PCSK2: variants seen among roughly 807,000 people sequenced by gnomAD.
PCSK2 encodes neuroendocrine convertase 2.
A neutral mutation model predicts 69.7 loss-of-function variants in PCSK2; 14 were observed. The ratio of observed to expected loss-of-function variants is 0.20; its 90% CI spans 0.13 to 0.31. PCSK2 has a LOEUF of 0.31. Among genes scored for constraint, PCSK2 ranks in the 10% least tolerant of loss-of-function variants. The pLI is 1.00. For synonymous variants in PCSK2, 307 were observed against 320.7 expected, an observed-to-expected ratio of 0.96 and a Z score of 0.46; for missense variants, 544 against 842.5, an observed-to-expected ratio of 0.65 and a Z score of 4.39.
At chr20:17,472,009 T>C (rs1317157954) in intron 11 of PCSK2, among the ~76,000 whole-genome samples, 1 of 152,232 alleles carries the variant, frequency 6.6e-6, no homozygotes, top group East Asian at 1.9e-4. Context: ...AGCAATTTTC[T>C]AAAGAGGCTT....
intron 2 of PCSK2, among the ~76,000 whole-genome samples, chr20:17,278,198 G>A (rs1335022726): frequency 3.3e-5 from 5 of 152,210 alleles, no homozygotes; most frequent in Admixed American, 3.3e-4. Flanking sequence ...AGTACCATTT[G>A]ACCCAGCCAT....
chr20:17,481,210 G>C (rs765127015), intron 11 of PCSK2, among the ~76,000 whole-genome samples: 2 of 151,598 alleles, frequency 1.3e-5, no homozygotes, highest in African/African-American at 4.9e-5. Context: ...GTGAAACTCC[G>C]TCTCTACTAA....
intron 1 of PCSK2, among the ~76,000 whole-genome samples, chr20:17,239,595 G>A (rs1489744652): frequency 1.3e-5 from 2 of 152,082 alleles, no homozygotes; most frequent in African/African-American, 4.8e-5. Flanking sequence ...CCAAAGAAGA[G>A]TTATGGGAGT....
At chr20:17,350,666 A>G (rs1355044587) in intron 2 of PCSK2, among the ~76,000 whole-genome samples, 4 of 152,112 alleles carry the variant, frequency 2.6e-5, no homozygotes, top group African/African-American at 4.8e-5. Flanking sequence ...CAACCTGATG[A>G]CTCTGCCATG....
intron 2 of PCSK2, among the ~76,000 whole-genome samples, chr20:17,355,868 C>A (rs934096472): frequency 6.6e-6 from 1 of 152,274 alleles, no homozygotes; most frequent in African/African-American, 2.4e-5. Context: ...AATTTAATCC[C>A]CAACAGTTTT....
chr20:17,356,993 T>C (rs1283999365), intron 2 of PCSK2, among the ~76,000 whole-genome samples: 2 of 151,966 alleles, frequency 1.3e-5, no homozygotes, highest in African/African-American at 4.8e-5. Flanking sequence ...CCAAATACAC[T>C]GGGGAGATTT....
At chr20:17,259,088 C>T (rs1435731655) in intron 1 of PCSK2, among the ~76,000 whole-genome samples, 1 of 152,002 alleles carries the variant, frequency 6.6e-6, no homozygotes, top group East Asian at 1.9e-4. Flanking sequence ...CAGATTGGCC[C>T]CATCTATGTT....
intron 5 of PCSK2, among the ~76,000 whole-genome samples, chr20:17,404,300 T>C (rs1177994757): frequency 1.3e-5 from 2 of 152,204 alleles, no homozygotes; most frequent in Non-Finnish European, 2.9e-5. Context: ...TCAGTGGATG[T>C]CCATATTAAA....
At chr20:17,454,824 C>G (rs1449220286) in intron 9 of PCSK2, among the ~76,000 whole-genome samples, 1 of 152,174 alleles carries the variant, frequency 6.6e-6, no homozygotes, top group Non-Finnish European at 1.5e-5. Context: ...TAGTACCATC[C>G]AGTGTTTCGA....
At chr20:17,420,332 C>T (rs2032093820) in intron 6 of PCSK2, among the ~76,000 whole-genome samples, 1 of 152,134 alleles carries the variant, frequency 6.6e-6, no homozygotes, top group Non-Finnish European at 1.5e-5. Flanking sequence ...GAAACACCTC[C>T]TGGATAATAA....
intron 5 of PCSK2, among the ~76,000 whole-genome samples, chr20:17,398,971 G>A (rs1451864226): frequency 6.6e-6 from 1 of 152,138 alleles, no homozygotes; most frequent in African/African-American, 2.4e-5. Context: ...CCCCAGCTAA[G>A]GGCATCTTCC....
chr20:17,430,100 C>A (rs1305455087), intron 7 of PCSK2, among the ~76,000 whole-genome samples: 1 of 152,092 alleles, frequency 6.6e-6, no homozygotes, highest in African/African-American at 2.4e-5. Context: ...TGCCTAGAAC[C>A]TTTTTCTTAC....
At chr20:17,373,761 A>G (rs1211450797) in intron 5 of PCSK2, among the ~76,000 whole-genome samples, 2 of 152,254 alleles carry the variant, frequency 1.3e-5, no homozygotes, top group Non-Finnish European at 2.9e-5. Flanking sequence ...CTGGTAGTCC[A>G]GTTTATTCCC....
At chr20:17,474,366 G>A (rs2033255457) in intron 11 of PCSK2, among the ~76,000 whole-genome samples, 1 of 152,086 alleles carries the variant, frequency 6.6e-6, no homozygotes, top group African/African-American at 2.4e-5. Flanking sequence ...AAGGCTTCTA[G>A]GAAAATGTGT....
At chr20:17,439,545 T>G (rs926351846) in intron 8 of PCSK2, among the ~76,000 whole-genome samples, 2 of 152,206 alleles carry the variant, frequency 1.3e-5, no homozygotes, top group Non-Finnish European at 2.9e-5. Flanking sequence ...CTAGGCAATG[T>G]AAAATTTGTA....
chr20:17,422,482 A>C (rs1484799650), intron 6 of PCSK2, among the ~76,000 whole-genome samples: 1 of 152,230 alleles, frequency 6.6e-6, no homozygotes, highest in Non-Finnish European at 1.5e-5. Context: ...TAAAGATATC[A>C]TATCAAATTA....
At chr20:17,232,238 TACAG>T (rs926247873) in intron 1 of PCSK2, among the ~76,000 whole-genome samples, 1 of 152,212 alleles carries the variant, frequency 6.6e-6, no homozygotes, top group Non-Finnish European at 1.5e-5. Flanking sequence ...TTCTGCCGGC[TACAG>T]ACAAACAGCC....
intron 11 of PCSK2, among the ~76,000 whole-genome samples, chr20:17,470,058 T>C (rs1014980029): frequency 6.6e-6 from 1 of 152,188 alleles, no homozygotes; most frequent in East Asian, 1.9e-4. Context: ...TGGGAACCAC[T>C]GTCCAAATGG....
In PCSK2 at chr20:17,260,335, A is replaced by G. The variant is rs768764007; in HGVS notation, c.273A>G (p.Arg91=). The change falls in exon 2 of 12, where the codon AGA becomes AGG. Residue 91 remains arginine, a synonymous_variant. Transcript: ENST00000262545. ...TACACCACAAGCAGCAGCTGGAGAG[A>G]GACCCCAGGGTGAGTTTTCCCCAGA... The part of the protein sequence containing the change: ...RSLHHKQQLE[R]DPRVKMALQQ... The G allele has an allele frequency of 4.3e-6, 7 of 1,610,814 alleles. No individual in the cohort carries two copies. The East Asian group carries it at 1.3e-4, about 31-fold the overall frequency.
Sources: gnomAD v4.1 joint callset for allele counts (sites outside exome capture counted in the v4.1 genomes callset) on GRCh38, gnomAD v4.1.1 for gene constraint, MANE v1.5 for transcripts, NCBI Gene and HGNC (gene_info 2026-07-23, HGNC 2026-07-21) for gene names.